Variants in LIMD2 observed in about 807,000 individuals in gnomAD.
LIMD2 encodes LIM domain-containing protein 2.
A neutral mutation model predicts 16.0 loss-of-function variants in LIMD2; 11 were observed. The ratio of observed to expected loss-of-function variants is 0.69; its 90% CI spans 0.43 to 1.14. The LOEUF is 1.14. Ranked by LOEUF, LIMD2 falls within the 50% of genes most tolerant of loss-of-function variation. LIMD2 has a pLI of 0.00. For missense variants in LIMD2, 168 were observed against 165.8 expected, an observed-to-expected ratio of 1.01 and a Z score of -0.07; for synonymous variants, 60 against 67.1, an observed-to-expected ratio of 0.89 and a Z score of 0.52.
At position 63,698,818 on chromosome 17, in the gene LIMD2, G is replaced by C; in HGVS notation, c.205C>G (p.His69Asp). 6.2e-7 allele frequency: 1 copy of C among 1,612,844 alleles called. No homozygotes were observed. Among genetic ancestry groups the C allele is most frequent in the Non-Finnish European group, 8.5e-7 (1 of 1,179,924 alleles). ...GCGCACCTGAGCTTGGTGTGACAGT[G>C]CTTGCAGCAGAAGCAAGAGTTGTGG... ...IFHNSCFCCKHCHTKLSLGSY... is the reference protein window; with the variant it reads ...IFHNSCFCCKDCHTKLSLGSY... The change falls in exon 4 of 5, where the codon CAC becomes GAC. Residue 69 changes from histidine (H) to aspartate (D), a missense_variant. By Grantham distance (81) the His-to-Asp change is moderately conservative. Transcript: ENST00000259006.
Position 63,700,049 on chromosome 17 carries a change from G to T in LIMD2, c.-68C>A. 1.0e-6 allele frequency: 1 copy of T among 983,880 alleles called. No homozygotes were observed. Among genetic ancestry groups the T allele is most frequent in the Non-Finnish European group, 1.2e-6 (1 of 829,152 alleles). 60.9% of individuals were successfully genotyped at this position (983,880 alleles called of 1,614,324 possible). On this transcript the variant is annotated 5_prime_UTR_variant, in exon 1 of 5. Coordinates refer to ENST00000259006, the MANE Select transcript of LIMD2 (RefSeq NM_030576.4). This position sits in a 1 kb window ranked among gnomAD's most constrained non-coding sequence, Gnocchi z 7.1. ...GCTCTCACCAGGCCCGGCCTGGGCC[G>T]CGGGGCGGGATCGGTCTCCGGGGGC...
At chr17:63,700,399 GC>G (rs1368724126), upstream of LIMD2, 3 of 153,552 alleles carry the variant, frequency 2.0e-5, no homozygotes, top group Non-Finnish European at 4.3e-5. This position sits in a 1 kb window ranked among gnomAD's most constrained non-coding sequence, Gnocchi z 7.1. Context: ...CCCGACGGCG[GC>G]CCGGCGTGGG....
At chr17:63,699,414 T>C (rs1176884309) in intron 1 of LIMD2, 66 bp from the exon 2 acceptor site, 5 of 1,448,476 alleles carry the variant, frequency 3.5e-6, no homozygotes, top group Non-Finnish European at 4.6e-6. Flanking sequence ...TGGGGGGTGT[T>C]GACAGGCAGG....
chr17:63,698,182 G>A lies in LIMD2; in HGVS notation c.*370C>T, dbSNP rs1208719137. ...GAGACGTGGGGGCCACACAGTCTCC[G>A]GTGGCAGTGAGGGAGCTTGGGACCC... is the stretch of plus-strand genomic sequence containing the variant. On this transcript the variant is annotated 3_prime_UTR_variant, in exon 5 of 5. Transcript: ENST00000259006. 2 of 260,254 alleles carry A rather than the reference G, an allele frequency of 7.7e-6. No individual in the cohort carries two copies. Among genetic ancestry groups the A allele is most frequent in the East Asian group, 1.9e-4 (2 of 10,410 alleles). 16.1% of individuals were successfully genotyped at this position (260,254 alleles called of 1,614,324 possible). A position where few individuals can be genotyped will look rare whatever the true frequency, so the allele number is the denominator to read the frequency against.
In LIMD2 at chr17:63,698,508, C is replaced by A. The variant is rs763592572; in HGVS notation, c.*44G>T. On this transcript the variant is annotated 3_prime_UTR_variant, in exon 5 of 5. Transcript: ENST00000259006. Reference sequence around the variant, plus strand: ...GACCTCCTTCCCACCTTCCCCCTGCCGGCTCCAGGCCTTCCGCAGAGGGGG... The same window carrying A: ...GACCTCCTTCCCACCTTCCCCCTGCAGGCTCCAGGCCTTCCGCAGAGGGGG... 2 of 1,599,190 alleles carry A rather than the reference C, an allele frequency of 1.3e-6. No homozygotes were observed. Among genetic ancestry groups the A allele is most frequent in the Admixed American group, 1.7e-5 (1 of 58,348 alleles).
upstream of LIMD2, chr17:63,700,403 G>A (rs1332546581): frequency 1.3e-5 from 2 of 153,118 alleles, no homozygotes; most frequent in African/African-American, 4.8e-5. The surrounding 1 kb of genome is among the most constrained non-coding windows in gnomAD (Gnocchi z 7.1). Context: ...ACGGCGGCCC[G>A]GCGTGGGGAA....
At chr17:63,700,922 C>G (rs930923036), upstream of LIMD2, 13 of 152,284 alleles carry the variant, frequency 8.5e-5, no homozygotes, top group African/African-American at 3.1e-4. The surrounding 1 kb of genome is among the most constrained non-coding windows in gnomAD (Gnocchi z 7.1). Context: ...TCCACGTACT[C>G]AAGCGTTTCT....
In LIMD2 at chr17:63,699,327, G is replaced by T; in HGVS notation, c.-29C>A. 1 of 1,594,166 alleles carries T rather than the reference G, an allele frequency of 6.3e-7. No homozygotes were observed. The highest frequency in any genetic ancestry group is 8.5e-7 in the Non-Finnish European group (1 of 1,169,970). On this transcript the variant is annotated 5_prime_UTR_variant, in exon 2 of 5. Transcript: ENST00000259006. ...TCGTTGGAGGTGGAAGCCTCGGGTG[G>T]AGAAGCGGCACCCGCTGGGTTCTGC...
intron 3 of LIMD2, 27 bp from the exon 4 acceptor site, chr17:63,698,965 G>A (rs1227816741): frequency 6.2e-7 from 1 of 1,611,986 alleles, no homozygotes; most frequent in Non-Finnish European, 8.5e-7. Context: ...GCCAGGTGCT[G>A]CCCCAGTGCT....
Position 63,698,906 on chromosome 17 carries a change from G to A in LIMD2, c.117C>T (p.Thr39=), listed in dbSNP as rs370700586. 1 of 1,612,684 alleles carries A rather than the reference G, an allele frequency of 6.2e-7. No individual in the cohort carries two copies. Among genetic ancestry groups the A allele is most frequent in the African/African-American group, 1.3e-5 (1 of 74,922 alleles). ...SFSLRAQVKE[T]CAACQKTVYP... ...ACACGGTCTTCTGGCAGGCGGCGCA[G>A]GTCTCCTTCACCTGGGCCCGCAGGC... The change falls in exon 4 of 5, where the codon ACC becomes ACT. Residue 39 remains threonine (T), a synonymous_variant. Coordinates refer to ENST00000259006, the MANE Select transcript of LIMD2 (RefSeq NM_030576.4).
chr17:63,699,259 G>C lies in LIMD2; in HGVS notation c.40C>G (p.His14Asp). 1 of 1,611,740 alleles carries C rather than the reference G, an allele frequency of 6.2e-7. No homozygotes were observed. Among genetic ancestry groups the C allele is most frequent in the Non-Finnish European group, 8.5e-7 (1 of 1,179,530 alleles). The change falls in exon 2 of 5, where the codon CAT becomes GAT. Residue 14 changes from histidine (H) to aspartate (D), a missense_variant and splice_region_variant. Physicochemically the swap from His to Asp is moderately conservative, Grantham distance 81. Coordinates refer to ENST00000259006, the MANE Select transcript of LIMD2 (RefSeq NM_030576.4). ...CTCCCACCCAGCCGGGCACTTACAT[G>C]AGAGGGGGTGGCCTGGGCGGCTCCT... ...AAGAAQATPS[H>D]DAKGGGSSTV...
rs3833116 is a variant in LIMD2, at chr17:63,696,844, C to CT, written c.*1707_*1708insA. The CT allele has an allele frequency of 0.27, 41,681 of 152,176 alleles. 6,122 individuals are homozygous for CT. The highest frequency in any genetic ancestry group is 0.37 in the African/African-American group (15,233 of 41,456). 9.4% of individuals were successfully genotyped at this position (152,176 alleles called of 1,614,324 possible). A position where few individuals can be genotyped will look rare whatever the true frequency, so the allele number is the denominator to read the frequency against. On this transcript the variant is annotated 3_prime_UTR_variant, in exon 5 of 5. Transcript: ENST00000259006. ...ACTTCACACTTGGGAGGATCCAGGC[C>CT]GGGGCACCATCTCTGCTGAGTATTC...
Position 63,699,025 on chromosome 17 carries a change from T to G in LIMD2, c.84+3A>C. On this transcript the variant is annotated splice_donor_region_variant and intron_variant, in intron 3 of 4. Coordinates refer to ENST00000259006, the MANE Select transcript of LIMD2 (RefSeq NM_030576.4). ...TCCCGCACACCCGGCCCCAGGCCCC[T>G]ACCTTGGAGCGCTGCACCGTGCTGC... is the stretch of plus-strand genomic sequence containing the variant. 1 of 1,608,188 alleles carries G rather than the reference T, an allele frequency of 6.2e-7. No homozygotes were observed. The highest frequency in any genetic ancestry group is 8.5e-7 in the Non-Finnish European group (1 of 1,178,090).
At chr17:63,700,290 T>A, upstream of LIMD2, 8 of 400,664 alleles carry the variant, frequency 2.0e-5, no homozygotes, top group Non-Finnish European at 2.7e-5. The surrounding 1 kb of genome is among the most constrained non-coding windows in gnomAD (Gnocchi z 7.1). Context: ...CGTCCCCGCC[T>A]TTGTCTGTCC....
Position 63,698,687 on chromosome 17 carries a change from G to A in LIMD2, c.249C>T (p.His83=), listed in dbSNP as rs1248736665. 5.0e-6 allele frequency: 8 copies of A among 1,613,604 alleles called. No homozygotes were observed. The highest frequency in any genetic ancestry group is 1.6e-4 in the Middle Eastern group (1 of 6,062). ...AGTGGGGTTTGCAGTAGAACTCCCC[G>A]TGCAGCGCGGCGTAGCTGCCCAGGC... ...KLSLGSYAAL[H]GEFYCKPHFQ... Residue 83 remains histidine (H), a synonymous_variant, in exon 5 of 5, where the codon CAC becomes CAT. Transcript: ENST00000259006.
intron 1 of LIMD2, chr17:63,699,667 C>T (rs1256188321): frequency 6.8e-6 from 2 of 292,004 alleles, no homozygotes; most frequent in East Asian, 1.4e-4. Flanking sequence ...GCCGGCGGGG[C>T]CGCGATGAGA....
rs763062023 is a variant in LIMD2, at chr17:63,699,076, G to A, written c.43-7C>T. On this transcript the variant is annotated splice_polypyrimidine_tract_variant and splice_region_variant and intron_variant, in intron 2 of 4. Coordinates refer to ENST00000259006, the MANE Select transcript of LIMD2 (RefSeq NM_030576.4). ...TGCCGCCGCCTTTGGCGTCCTGAGG[G>A]AGAGGGGCGGTCAGGGCAGGGGCAG... The A allele has an allele frequency of 1.2e-6, 2 of 1,603,058 alleles. No individual in the cohort carries two copies. The highest frequency in any genetic ancestry group is 2.2e-5 in the South Asian group (2 of 90,310).
In LIMD2 at chr17:63,696,449, T is replaced by C. The variant is rs1357339678; in HGVS notation, c.*2103A>G. ...GACTCCAAGTAGAGGGGTCCTGGGG[T>C]GATCTGGCTGATACCATTGTCAGTC... On this transcript the variant is annotated 3_prime_UTR_variant, in exon 5 of 5. Coordinates refer to ENST00000259006, the MANE Select transcript of LIMD2 (RefSeq NM_030576.4). The C allele has an allele frequency of 6.6e-6, 1 of 152,044 alleles. No homozygotes were observed. The highest frequency in any genetic ancestry group is 1.5e-5 in the Non-Finnish European group (1 of 68,024). The allele number at this position is 152,044 out of a possible 1,614,324, so 9.4% of individuals were successfully genotyped here.
intron 1 of LIMD2, 139 bp downstream of exon 1, chr17:63,699,893 C>T (rs1208744595): frequency 7.1e-6 from 7 of 984,282 alleles, no homozygotes; most frequent in African/African-American, 3.5e-5. Flanking sequence ...GGCCCTGAAA[C>T]GAGGACTCGA....
Sources: allele counts gnomAD v4.1 joint callset, GRCh38; gene constraint gnomAD v4.1.1; non-coding constraint Gnocchi (gnomAD v3.1); transcripts MANE v1.5; gene names NCBI Gene and HGNC (gene_info 2026-07-23, HGNC 2026-07-21).